Variants in EIF4G3 observed in about 807,000 individuals in gnomAD.
The protein encoded by EIF4G3 is eIF-4-gamma 3.
A neutral mutation model predicts 186.4 loss-of-function variants in EIF4G3; 34 were observed. The observed-to-expected ratio is 0.18, with a 90% CI of 0.14 to 0.24. EIF4G3 has a LOEUF of 0.24. EIF4G3 is among the 10% of genes least tolerant of loss of function. The probability of loss-of-function intolerance (pLI) is 1.00; values close to 1 mark genes in which losing one functional copy is unlikely to be tolerated. For missense variants in EIF4G3, 1,536 were observed against 1,948.5 expected (o/e 0.79, Z 3.99); for synonymous variants, 673 against 679.5 (o/e 0.99, Z 0.15).
chr1:21,092,962 A>G (rs2096251326), intron 2 of EIF4G3, among the ~76,000 whole-genome samples: 1 of 152,226 alleles, frequency 6.6e-6, no homozygotes, highest in South Asian at 2.1e-4. Flanking sequence ...AGATGGATTA[A>G]AGACTTAAAT....
intron 20 of EIF4G3, among the ~76,000 whole-genome samples, chr1:20,872,713 C>CTTTTTTTT (rs386366427): frequency 1.2e-5 from 1 of 81,836 alleles, no homozygotes; most frequent in Non-Finnish European, 2.5e-5. Context: ...ACTTTCTTGC[C>CTTTTTTTT]TTTTTTTTTT....
chr1:21,052,167 T>C (rs1571729614), intron 3 of EIF4G3, among the ~76,000 whole-genome samples: 1 of 152,200 alleles, frequency 6.6e-6, no homozygotes, highest in Admixed American at 6.5e-5. Flanking sequence ...TTTTCTCCGT[T>C]TTTTGCAGGC....
chr1:21,138,423 G>T (rs1293446488), intron 2 of EIF4G3, among the ~76,000 whole-genome samples: 2 of 152,154 alleles, frequency 1.3e-5, no homozygotes, highest in African/African-American at 4.8e-5. Context: ...AAACAAAAAA[G>T]AGAGAATTCC....
intron 14 of EIF4G3, among the ~76,000 whole-genome samples, chr1:20,915,889 C>T (rs2154558920): frequency 6.6e-6 from 1 of 152,254 alleles, no homozygotes; most frequent in East Asian, 1.9e-4. Flanking sequence ...ATAAAGGGTG[C>T]ATCCAGCTGG....
At chr1:21,056,332 TAAA>T (rs1002323830) in intron 3 of EIF4G3, among the ~76,000 whole-genome samples, 2 of 152,176 alleles carry the variant, frequency 1.3e-5, no homozygotes, top group African/African-American at 4.8e-5. Flanking sequence ...TTACATATAA[TAAA>T]AATCTCTCAG....
chr1:20,959,931 TG>T (rs1200585291), intron 12 of EIF4G3, among the ~76,000 whole-genome samples: 2 of 152,130 alleles, frequency 1.3e-5, no homozygotes, highest in African/African-American at 4.8e-5. Flanking sequence ...ATGCTGCTGG[TG>T]GGAATGTAAA....
intron 20 of EIF4G3, among the ~76,000 whole-genome samples, chr1:20,876,116 G>C (rs534686737): frequency 1.6e-4 from 24 of 151,280 alleles, no homozygotes; most frequent in African/African-American, 5.3e-4. Flanking sequence ...CCAGCTACTT[G>C]GGAGGCAGAG....
At chr1:21,114,429 C>T (rs2096781990) in intron 2 of EIF4G3, among the ~76,000 whole-genome samples, 1 of 152,170 alleles carries the variant, frequency 6.6e-6, no homozygotes, top group South Asian at 2.1e-4. Context: ...GTGCCCGGCC[C>T]TTGAAAGCTG....
chr1:20,918,649 G>C (rs911170285), intron 14 of EIF4G3, among the ~76,000 whole-genome samples: 1 of 144,442 alleles, frequency 6.9e-6, no homozygotes, highest in Non-Finnish European at 1.5e-5. Flanking sequence ...AAAATCTTAC[G>C]TTTTTGCTAT....
Position 20,829,246 on chromosome 1 carries a change from T to A in EIF4G3, c.4088A>T (p.Asp1363Val), listed in dbSNP as rs921187861. 3.1e-6 allele frequency: 5 copies of A among 1,613,618 alleles called. No individual in the cohort carries two copies. In the African/African-American group the frequency reaches 6.7e-5, roughly 22 times the overall value. The change falls in exon 31 of 37, where the codon GAT becomes GTT. Residue 1363 changes from aspartate (D) to valine (V), a missense_variant. By Grantham distance (152) the Asp-to-Val change is radical. Around this residue, in one of 11 missense-constraint regions of EIF4G3, gnomAD observed 395 missense variants for 498.9 expected, o/e 0.79. Transcript: ENST00000602326. ...KGFSETLELA[D>V]DMAIDIPHIW... is the part of the protein sequence containing the mutation. ...ATGGGGAATATCAATGGCCATGTCA[T>A]CTGCCAATTCCAAAGTTTCTGAAAA...
intron 12 of EIF4G3, among the ~76,000 whole-genome samples, chr1:20,963,891 G>A (rs1033802658): frequency 1.4e-5 from 2 of 146,132 alleles, no homozygotes; most frequent in African/African-American, 5.1e-5. Flanking sequence ...CACCGCACTT[G>A]CACTCTAGCC....
intron 14 of EIF4G3, 73 bp from the exon 15 acceptor site, chr1:20,905,044 C>T: frequency 9.1e-7 from 1 of 1,102,392 alleles, no homozygotes; most frequent in South Asian, 1.4e-5. Flanking sequence ...TAAGTGATAC[C>T]TATATTCAAA....
chr1:21,018,936 T>A (rs537966067), intron 4 of EIF4G3, among the ~76,000 whole-genome samples: 97 of 150,132 alleles, frequency 6.5e-4, no homozygotes, highest in Admixed American at 3.0e-3. Flanking sequence ...TTTTTTTTTT[T>A]ACCCCCAAAT....
chr1:20,987,624 C>A (rs902912627), intron 7 of EIF4G3, among the ~76,000 whole-genome samples: 1 of 152,290 alleles, frequency 6.6e-6, no homozygotes, highest in South Asian at 2.1e-4. Context: ...ATGAACTGCA[C>A]CCATAGAAGA....
At chr1:20,902,275 G>C (rs953114505) in intron 15 of EIF4G3, among the ~76,000 whole-genome samples, 48 of 152,130 alleles carry the variant, frequency 3.2e-4, no homozygotes, top group African/African-American at 1.2e-3. Context: ...TGTTGGTCAG[G>C]CTGGTCTCAA....
chr1:20,920,694 G>C (rs1438303117), intron 14 of EIF4G3, among the ~76,000 whole-genome samples: 2 of 152,100 alleles, frequency 1.3e-5, no homozygotes, highest in Admixed American at 1.3e-4. Flanking sequence ...GATTCTCACT[G>C]TACTCTGTTT....
At chr1:21,131,210 A>T (rs1056390620) in intron 2 of EIF4G3, among the ~76,000 whole-genome samples, 9 of 147,030 alleles carry the variant, frequency 6.1e-5, no homozygotes, top group African/African-American at 2.0e-4. Context: ...ACTACACTCC[A>T]GCCTGGGCAA....
chr1:21,149,125 T>C (rs1445536554), intron 2 of EIF4G3, among the ~76,000 whole-genome samples: 1 of 151,948 alleles, frequency 6.6e-6, no homozygotes, highest in African/African-American at 2.4e-5. Flanking sequence ...AATGTTAATA[T>C]ATCAATATGT....
chr1:21,124,498 G>A (rs1049937351), intron 2 of EIF4G3, among the ~76,000 whole-genome samples: 3 of 152,170 alleles, frequency 2.0e-5, no homozygotes, highest in African/African-American at 7.2e-5. Context: ...GCTTCTATAA[G>A]AGGATAACTC....
Sources: allele counts gnomAD v4.1 joint callset (sites outside exome capture counted in the v4.1 genomes callset), GRCh38; gene constraint gnomAD v4.1.1; regional missense constraint gnomAD v4.1.1; transcripts MANE v1.5; gene names NCBI Gene and HGNC (gene_info 2026-07-23, HGNC 2026-07-21).